The following LDLRAD3 variants were observed in gnomAD, a reference collection of about 807,000 sequenced individuals.
LDLRAD3 encodes the protein low density lipoprotein receptor class A domain containing 3.
A neutral mutation model predicts 29.4 loss-of-function variants in LDLRAD3; 20 were observed. That is an observed-to-expected ratio of 0.68 (90% CI 0.48 to 0.99). The LOEUF (loss-of-function observed/expected upper bound fraction) is 0.99. Ranked by LOEUF, LDLRAD3 falls within the 50% of genes least tolerant of loss-of-function variation. The probability of loss-of-function intolerance (pLI) is 0.00; values close to 1 mark genes in which losing one functional copy is unlikely to be tolerated. For synonymous variants in LDLRAD3, 157 were observed against 192.7 expected (o/e 0.81, Z 1.53); for missense variants, 420 against 454.3 (o/e 0.92, Z 0.69).
At chr11:36,123,424 C>G (rs183951776) in intron 4 of LDLRAD3, among the ~76,000 whole-genome samples, 1 of 152,190 alleles carries the variant, frequency 6.6e-6, no homozygotes, top group East Asian at 1.9e-4. Context: ...ATGTGCTGCC[C>G]CACAGCATGG....
chr11:35,963,912 G>A (rs1179003206), intron 1 of LDLRAD3, among the ~76,000 whole-genome samples: 6 of 152,198 alleles, frequency 3.9e-5, no homozygotes, highest in African/African-American at 1.4e-4. Context: ...TGAGTAAGGT[G>A]TTGTATAGTA....
intron 4 of LDLRAD3, among the ~76,000 whole-genome samples, chr11:36,225,993 A>T (rs1855493004): frequency 6.6e-6 from 1 of 152,082 alleles, no homozygotes; most frequent in African/African-American, 2.4e-5. Flanking sequence ...GCTTGAACCC[A>T]GGAGGCGGAG....
At chr11:36,078,831 C>T (rs912196558) in intron 2 of LDLRAD3, among the ~76,000 whole-genome samples, 1 of 152,154 alleles carries the variant, frequency 6.6e-6, no homozygotes, top group Non-Finnish European at 1.5e-5. Flanking sequence ...CACAGTGGCT[C>T]CCAGGGTGGC....
chr11:36,030,287 C>T (rs138284110), intron 1 of LDLRAD3, among the ~76,000 whole-genome samples: 14 of 152,320 alleles, frequency 9.2e-5, no homozygotes, highest in African/African-American at 3.4e-4. Flanking sequence ...ATGGGAAGTG[C>T]ACAGGACAGA....
chr11:36,121,407 C>T (rs1482974208), intron 4 of LDLRAD3, among the ~76,000 whole-genome samples: 1 of 151,934 alleles, frequency 6.6e-6, no homozygotes, highest in East Asian at 1.9e-4. Flanking sequence ...AGCCACAGAG[C>T]TGATATTTCA....
chr11:35,963,346 A>G (rs535704622), intron 1 of LDLRAD3, among the ~76,000 whole-genome samples: 21 of 152,190 alleles, frequency 1.4e-4, no homozygotes, highest in African/African-American at 4.8e-4. Flanking sequence ...GAAACTCACC[A>G]GATCACCACA....
intron 2 of LDLRAD3, among the ~76,000 whole-genome samples, chr11:36,051,935 A>G (rs79563621): frequency 0.015 from 2,310 of 152,308 alleles, 68 homozygotes; most frequent in African/African-American, 0.054. Flanking sequence ...TCATTTGTTA[A>G]TGCAGATTTG....
At chr11:36,175,528 CAAGGA>C (rs1854662653) in intron 4 of LDLRAD3, among the ~76,000 whole-genome samples, 1 of 152,130 alleles carries the variant, frequency 6.6e-6, no homozygotes, top group Admixed American at 6.6e-5. Flanking sequence ...TTGTTCAGTT[CAAGGA>C]ATTTTAATTT....
At chr11:36,170,916 G>A (rs7105127) in intron 4 of LDLRAD3, among the ~76,000 whole-genome samples, 1,990 of 151,512 alleles carry the variant, frequency 0.013, 39 homozygotes, top group African/African-American at 0.042. Flanking sequence ...ATTCTCCTGC[G>A]TCAGCCTCCC....
Position 36,081,716 on chromosome 11 carries a change from T to C in LDLRAD3, c.257T>C (p.Ile86Thr). The C allele has an allele frequency of 6.2e-7, 1 of 1,614,220 alleles. No homozygotes were observed. The highest frequency in any genetic ancestry group is 2.2e-5 in the East Asian group (1 of 44,888). The change falls in exon 3 of 6, where the codon ATT becomes ACT. Residue 86 changes from isoleucine (I) to threonine (T), a missense_variant. This residue lies in a region of LDLRAD3 where 224 missense variants were observed against 222.2 expected (regional missense o/e 1.01). Transcript: ENST00000315571. ...TGTGCCAGCGGCATCCATTGCATCA[T>C]TGGTCGCTTCCGGTGCAATGGGTTT... ...FPCASGIHCI[I>T]GRFRCNGFED...
At chr11:36,073,438 G>A (rs988070144) in intron 2 of LDLRAD3, among the ~76,000 whole-genome samples, 4 of 152,226 alleles carry the variant, frequency 2.6e-5, no homozygotes, top group African/African-American at 4.8e-5. Flanking sequence ...TCTGTCGGGC[G>A]CTGCTGAGTT....
chr11:36,117,436 C>T (rs1853691177), intron 4 of LDLRAD3, among the ~76,000 whole-genome samples: 1 of 152,036 alleles, frequency 6.6e-6, no homozygotes, highest in South Asian at 2.1e-4. Flanking sequence ...GAAAGAACTA[C>T]ACTCGTTTGC....
At chr11:36,158,192 T>C (rs1854382057) in intron 4 of LDLRAD3, among the ~76,000 whole-genome samples, 1 of 152,186 alleles carries the variant, frequency 6.6e-6, no homozygotes, top group African/African-American at 2.4e-5. Flanking sequence ...GAAGATAGCC[T>C]CAGCACATGA....
At chr11:36,168,276 T>C (rs1854543104) in intron 4 of LDLRAD3, among the ~76,000 whole-genome samples, 2 of 152,212 alleles carry the variant, frequency 1.3e-5, no homozygotes, top group Non-Finnish European at 2.9e-5. Context: ...AGATTTAATA[T>C]GCATGATATA....
chr11:36,104,175 GC>G (rs1223255306), intron 4 of LDLRAD3, among the ~76,000 whole-genome samples: 1 of 152,196 alleles, frequency 6.6e-6, no homozygotes, highest in Non-Finnish European at 1.5e-5. Context: ...CTACTCAGAG[GC>G]CCATATGGCA....
At chr11:35,995,312 G>A (rs1405757243) in intron 1 of LDLRAD3, among the ~76,000 whole-genome samples, 1 of 152,212 alleles carries the variant, frequency 6.6e-6, no homozygotes, top group African/African-American at 2.4e-5. Flanking sequence ...AGAGCTTGTG[G>A]GTAACCAGAT....
At position 36,209,226 on chromosome 11, in the gene LDLRAD3, T is replaced by C. The variant is rs528853724; in HGVS notation, c.455-17859T>C. Reference sequence around the variant, plus strand: ...ATGCCATGTGGGATCCTGGCAAAATTTGAATCAATTCTATTAACTTAGTTA... The same window carrying C: ...ATGCCATGTGGGATCCTGGCAAAATCTGAATCAATTCTATTAACTTAGTTA... On this transcript the variant is annotated intron_variant, in intron 4 of 5. Transcript: ENST00000315571. Among the ~76,000 whole-genome samples, 307 of 152,286 alleles carry C rather than the reference T, an allele frequency of 2.0e-3. 3 individuals are homozygous for C. Among genetic ancestry groups the C allele is most frequent in the South Asian group, 7.3e-3 (35 of 4,822 alleles).
chr11:36,127,062 T>C (rs529436620), intron 4 of LDLRAD3, among the ~76,000 whole-genome samples: 8 of 152,200 alleles, frequency 5.3e-5, no homozygotes, highest in Non-Finnish European at 1.2e-4. Context: ...CTGAGCACAT[T>C]ACTGTTGTGT....
intron 2 of LDLRAD3, among the ~76,000 whole-genome samples, chr11:36,038,146 C>CCT (rs1027881062): frequency 1.4e-4 from 22 of 152,168 alleles, no homozygotes; most frequent in Non-Finnish European, 2.9e-4. Flanking sequence ...AATCCATCTA[C>CCT]CTCCGCCTTC....
Sources: gnomAD v4.1 joint callset for allele counts (sites outside exome capture counted in the v4.1 genomes callset) on GRCh38, gnomAD v4.1.1 for gene constraint, gnomAD v4.1.1 regional missense constraint, MANE v1.5 for transcripts, NCBI Gene and HGNC (gene_info 2026-07-23, HGNC 2026-07-21) for gene names.